GFRAL: variants seen among roughly 807,000 people sequenced by gnomAD.
GFRAL encodes the protein GDNF family receptor alpha-like.
A neutral mutation model predicts 45.4 loss-of-function variants in GFRAL; 36 were observed. The ratio of observed to expected loss-of-function variants is 0.79; its 90% CI spans 0.61 to 1.05. The LOEUF (loss-of-function observed/expected upper bound fraction) is 1.05, where lower values mean the gene tolerates loss of function less well. GFRAL is among the 50% of genes least tolerant of loss of function. GFRAL has a pLI of 0.00. For synonymous variants in GFRAL, 166 were observed against 154.1 expected, an observed-to-expected ratio of 1.08 and a Z score of -0.57; for missense variants, 507 against 467.5, an observed-to-expected ratio of 1.08 and a Z score of -0.78.
intron 3 of GFRAL, among the ~76,000 whole-genome samples, chr6:55,345,756 C>T (rs1026980604): frequency 4.6e-5 from 7 of 152,114 alleles, no homozygotes; most frequent in African/African-American, 1.7e-4. Flanking sequence ...AGTGAACAGG[C>T]AACCTACAGA....
chr6:55,369,721 C>T (rs1330301416), intron 6 of GFRAL, among the ~76,000 whole-genome samples: 2 of 152,078 alleles, frequency 1.3e-5, no homozygotes, highest in Non-Finnish European at 2.9e-5. Context: ...GTTTCTGTTA[C>T]ATTTTAATGA....
chr6:55,386,187 A>AC (rs1235515141), intron 6 of GFRAL, among the ~76,000 whole-genome samples: 4 of 152,104 alleles, frequency 2.6e-5, no homozygotes, highest in Non-Finnish European at 5.9e-5. Context: ...GTTCCAGATT[A>AC]CCTTTTATTG....
chr6:55,368,530 G>T (rs1296092340), intron 6 of GFRAL, among the ~76,000 whole-genome samples: 2 of 151,988 alleles, frequency 1.3e-5, no homozygotes, highest in Non-Finnish European at 2.9e-5. Flanking sequence ...GCTTTTTAGA[G>T]TTTCCAGTTT....
At chr6:55,355,651 A>G (rs1768180659) in intron 5 of GFRAL, among the ~76,000 whole-genome samples, 1 of 152,000 alleles carries the variant, frequency 6.6e-6, no homozygotes, top group African/African-American at 2.4e-5. Context: ...TTTCAAATAT[A>G]AAATTATATA....
At chr6:55,344,331 T>A (rs1004819614) in intron 3 of GFRAL, among the ~76,000 whole-genome samples, 5 of 152,182 alleles carry the variant, frequency 3.3e-5, no homozygotes, top group Non-Finnish European at 5.9e-5. Flanking sequence ...ATCAAAAAGC[T>A]TATCCACCAT....
intron 6 of GFRAL, among the ~76,000 whole-genome samples, chr6:55,374,894 G>A (rs114290380): frequency 0.027 from 4,050 of 152,168 alleles, 92 homozygotes; most frequent in Admixed American, 0.044. Context: ...TTTCCCCACT[G>A]CTTGTTTTTG....
intron 6 of GFRAL, among the ~76,000 whole-genome samples, chr6:55,387,620 T>C (rs1768696152): frequency 6.6e-6 from 1 of 152,130 alleles, no homozygotes; most frequent in Non-Finnish European, 1.5e-5. Context: ...CTTAGACAAA[T>C]AAAGCTCCTT....
Position 55,358,903 on chromosome 6 carries a change from A to G in GFRAL, c.717A>G (p.Thr239=). Residue 239 remains threonine (T), a synonymous_variant, in exon 6 of 9, where the codon ACA becomes ACG. Transcript: ENST00000340465. ...NDELCRRHYR[T]FQSKCWQRVT... Reference sequence around the variant, plus strand: ...CTTTCTCTAGGAGGCACTATAGAACATTTCAGTCAAAATGCTGGCAGCGTG... The same window carrying G: ...CTTTCTCTAGGAGGCACTATAGAACGTTTCAGTCAAAATGCTGGCAGCGTG... 1.2e-6 allele frequency: 2 copies of G among 1,612,528 alleles called. No homozygotes were observed. The highest frequency in any genetic ancestry group is 1.7e-6 in the Non-Finnish European group (2 of 1,178,946).
chr6:55,353,809 T>C (rs923348554), intron 5 of GFRAL, among the ~76,000 whole-genome samples: 6 of 152,074 alleles, frequency 3.9e-5, no homozygotes, highest in Non-Finnish European at 8.8e-5. Context: ...TTGTTGTACA[T>C]AAAATAATGG....
chr6:55,373,950 C>A (rs187461977), intron 6 of GFRAL, among the ~76,000 whole-genome samples: 2 of 152,234 alleles, frequency 1.3e-5, no homozygotes, highest in East Asian at 3.9e-4. Context: ...CACTGTGTGT[C>A]CATGTGTTCT....
intron 6 of GFRAL, among the ~76,000 whole-genome samples, chr6:55,382,393 TC>T (rs1561865137): frequency 6.6e-6 from 1 of 151,966 alleles, no homozygotes; most frequent in Non-Finnish European, 1.5e-5. Flanking sequence ...TTAAATACCA[TC>T]CAATGTAAAA....
Position 55,393,180 on chromosome 6 carries a change from T to A in GFRAL, c.953-6000T>A, listed in dbSNP as rs116350721. Among the ~76,000 whole-genome samples, 390 of 152,320 alleles carry A rather than the reference T, an allele frequency of 2.6e-3. 2 individuals carry two copies. Among genetic ancestry groups the A allele is most frequent in the African/African-American group, 9.1e-3 (379 of 41,574 alleles). On this transcript the variant is annotated intron_variant, in intron 6 of 8. Coordinates refer to ENST00000340465, the MANE Select transcript of GFRAL (RefSeq NM_207410.2). ...CATTTAATCACATATATCCATGTTTTCCAATTTGTTTTCCTGGATTCTAAA... is the reference window on the plus strand; with the variant it reads ...CATTTAATCACATATATCCATGTTTACCAATTTGTTTTCCTGGATTCTAAA...
At chr6:55,359,686 C>A (rs1768247704) in intron 6 of GFRAL, among the ~76,000 whole-genome samples, 1 of 151,860 alleles carries the variant, frequency 6.6e-6, no homozygotes, top group African/African-American at 2.4e-5. Flanking sequence ...TGGTTCACTT[C>A]AATATGACAT....
intron 6 of GFRAL, among the ~76,000 whole-genome samples, chr6:55,372,612 G>A (rs865909835): frequency 6.6e-6 from 1 of 152,048 alleles, no homozygotes; most frequent in Admixed American, 6.5e-5. Flanking sequence ...AATGTGGTTT[G>A]CCTCACAGTC....
At chr6:55,335,223 T>G (rs960510883) in intron 3 of GFRAL, among the ~76,000 whole-genome samples, 5 of 152,194 alleles carry the variant, frequency 3.3e-5, no homozygotes, top group African/African-American at 1.2e-4. Context: ...TTAATTATAA[T>G]GTTAAGCATA....
intron 6 of GFRAL, among the ~76,000 whole-genome samples, chr6:55,372,852 A>G (rs1768470225): frequency 6.6e-6 from 1 of 152,180 alleles, no homozygotes; most frequent in Non-Finnish European, 1.5e-5. Context: ...TTCTCTTCAC[A>G]CAGAGAATAT....
intron 3 of GFRAL, among the ~76,000 whole-genome samples, chr6:55,338,372 G>A (rs112377552): frequency 2.0e-5 from 3 of 152,152 alleles, no homozygotes; most frequent in African/African-American, 7.2e-5. Flanking sequence ...TAACAGGCAT[G>A]AGCCACCATG....
intron 6 of GFRAL, among the ~76,000 whole-genome samples, chr6:55,393,264 A>G (rs1260930244): frequency 2.0e-5 from 3 of 152,218 alleles, no homozygotes; most frequent in Non-Finnish European, 2.9e-5. Context: ...ATGTCAAAAA[A>G]ACTGAAAATT....
chr6:55,334,921 C>T (rs1377211660), intron 3 of GFRAL, among the ~76,000 whole-genome samples: 3 of 152,038 alleles, frequency 2.0e-5, no homozygotes, highest in African/African-American at 4.8e-5. Flanking sequence ...CAGGTTGGTT[C>T]CATTCATTAT....
Sources: gnomAD v4.1 joint callset for allele counts (sites outside exome capture counted in the v4.1 genomes callset) on GRCh38, gnomAD v4.1.1 for gene constraint, MANE v1.5 for transcripts, NCBI Gene and HGNC (gene_info 2026-07-23, HGNC 2026-07-21) for gene names.